ZNF385D: variants seen among roughly 807,000 people sequenced by gnomAD.
ZNF385D encodes zinc finger protein 659.
A neutral mutation model predicts 35.8 loss-of-function variants in ZNF385D; 15 were observed. The observed-to-expected ratio is 0.42, with a 90% CI of 0.28 to 0.64. ZNF385D has a LOEUF of 0.64. Among genes scored for constraint, ZNF385D ranks in the 30% least tolerant of loss-of-function variants. The pLI, the probability that ZNF385D is intolerant of heterozygous loss-of-function variation, is 0.23. For synonymous variants in ZNF385D, 212 were observed against 186.8 expected, an observed-to-expected ratio of 1.13 and a Z score of -1.10; for missense variants, 474 against 494.6, an observed-to-expected ratio of 0.96 and a Z score of 0.39.
intron 2 of ZNF385D, among the ~76,000 whole-genome samples, chr3:22,248,479 C>T (rs960464755): frequency 3.3e-5 from 5 of 152,134 alleles, no homozygotes; most frequent in African/African-American, 1.2e-4. Flanking sequence ...TAAAGGAAAT[C>T]ATACAACTCA....
At chr3:22,212,994 G>A (rs1275510575) in intron 2 of ZNF385D, among the ~76,000 whole-genome samples, 2 of 151,978 alleles carry the variant, frequency 1.3e-5, no homozygotes, top group Non-Finnish European at 2.9e-5. Flanking sequence ...TTATTTAGAG[G>A]TGGTGAATAA....
chr3:22,038,191 T>G (rs1466843035), intron 3 of ZNF385D, among the ~76,000 whole-genome samples: 2 of 152,106 alleles, frequency 1.3e-5, no homozygotes, highest in Admixed American at 1.3e-4. Flanking sequence ...GATAACAAGA[T>G]GAATAATGAC....
chr3:22,097,001 C>A (rs1701668766), intron 3 of ZNF385D, among the ~76,000 whole-genome samples: 2 of 152,050 alleles, frequency 1.3e-5, no homozygotes, highest in Admixed American at 1.3e-4. Flanking sequence ...AACTCAGTTA[C>A]CATGCTGTAA....
At chr3:21,942,052 T>C (rs1346990875) in intron 3 of ZNF385D, among the ~76,000 whole-genome samples, 2 of 152,136 alleles carry the variant, frequency 1.3e-5, no homozygotes, top group African/African-American at 4.8e-5. Flanking sequence ...CATACACATG[T>C]GTATTGTCAA....
intron 2 of ZNF385D, among the ~76,000 whole-genome samples, chr3:21,635,028 A>G (rs1419462625): frequency 1.3e-5 from 2 of 152,120 alleles, no homozygotes; most frequent in African/African-American, 4.8e-5. Context: ...CACTTCCCTA[A>G]AAATCAAAGT....
chr3:22,071,880 C>T (rs533981384), intron 3 of ZNF385D, among the ~76,000 whole-genome samples: 1 of 152,144 alleles, frequency 6.6e-6, no homozygotes, highest in Non-Finnish European at 1.5e-5. Flanking sequence ...ATGATGGCCC[C>T]ATCATAAACT....
chr3:21,663,915 A>ATATATATATATATTTATTTATT (rs1159950305), intron 2 of ZNF385D, among the ~76,000 whole-genome samples: 10 of 105,888 alleles, frequency 9.4e-5, no homozygotes, highest in Admixed American at 8.0e-4. Flanking sequence ...ATATATATAT[A>ATATATATATATATTTATTTATT]TATTTATTTA....
Position 21,415,717 on chromosome 3 carries a change from G to T in ZNF385D, c.*5497C>A, listed in dbSNP as rs1700554040. ...ATCTTTAAAAATTGCCTTTAGAGAT[G>T]ACCTGCCAGTCTGAAAATAACATGA... On this transcript the variant is annotated 3_prime_UTR_variant, in exon 8 of 8. Transcript: ENST00000281523. The T allele has an allele frequency of 1.3e-5, 2 of 152,126 alleles. No homozygotes were observed. Among genetic ancestry groups the T allele is most frequent in the East Asian group, 1.9e-4 (1 of 5,172 alleles). The allele number at this position is 152,126 out of a possible 1,614,324, so 9.4% of individuals were successfully genotyped here. A position where few individuals can be genotyped will look rare whatever the true frequency, so the allele number is the denominator to read the frequency against.
chr3:21,917,054 G>C (rs1238738615), intron 3 of ZNF385D, among the ~76,000 whole-genome samples: 1 of 152,144 alleles, frequency 6.6e-6, no homozygotes, highest in Non-Finnish European at 1.5e-5. Flanking sequence ...TTGAAGGGAA[G>C]AAAGAGAATC....
At chr3:22,351,312 TCTAC>T (rs1286627332) in intron 2 of ZNF385D, among the ~76,000 whole-genome samples, 3 of 152,074 alleles carry the variant, frequency 2.0e-5, no homozygotes, top group Non-Finnish European at 4.4e-5. Context: ...GCAATATATA[TCTAC>T]CTGTTTTTTC....
At position 21,548,289 on chromosome 3, in the gene ZNF385D, C is replaced by T. The variant is rs545300390; in HGVS notation, c.276+16285G>A. On this transcript the variant is annotated intron_variant, in intron 3 of 7. Transcript: ENST00000281523. ...ACTGTTTCTACCTTCATTTCCTTGT[C>T]ACAGCAATGAGGAAAAATGTTTCTG... Among the ~76,000 whole-genome samples, 5 of 152,286 alleles carry T rather than the reference C, an allele frequency of 3.3e-5. No individual in the cohort carries two copies. The South Asian group carries it at 1.0e-3, about 32-fold the overall frequency.
intron 3 of ZNF385D, among the ~76,000 whole-genome samples, chr3:22,059,180 C>A (rs1699566292): frequency 6.6e-6 from 1 of 152,122 alleles, no homozygotes; most frequent in Non-Finnish European, 1.5e-5. Flanking sequence ...TTGGAGGTGA[C>A]TGCCCTCTGG....
chr3:21,632,601 T>A lies in ZNF385D; in HGVS notation c.165+32285A>T, dbSNP rs186816946. ...CATAATAGTGTTTTGCTCTGGGAGA[T>A]TGAACAATAATGCACCATACAAATT... On this transcript the variant is annotated intron_variant, in intron 2 of 7. Coordinates refer to ENST00000281523, the MANE Select transcript of ZNF385D (RefSeq NM_024697.3). 4.6e-5 allele frequency among the ~76,000 whole-genome samples: 7 copies of A among 152,102 alleles called. 1 individual carries two copies. In the East Asian group the frequency reaches 7.7e-4, roughly 17 times the overall value.
chr3:21,682,209 T>A (rs939381248), intron 1 of ZNF385D, among the ~76,000 whole-genome samples: 2 of 151,122 alleles, frequency 1.3e-5, no homozygotes, highest in Non-Finnish European at 3.0e-5. Flanking sequence ...TGGTTTGTTT[T>A]TAGTTTAGCT....
At chr3:21,826,435 T>G (rs2670257) in intron 3 of ZNF385D, among the ~76,000 whole-genome samples, 118 of 152,184 alleles carry the variant, frequency 7.8e-4, no homozygotes, top group Non-Finnish European at 1.4e-3. Flanking sequence ...TGACACTAGT[T>G]GGAAGAAATA....
chr3:21,955,340 A>C (rs933111229), intron 3 of ZNF385D, among the ~76,000 whole-genome samples: 2 of 152,062 alleles, frequency 1.3e-5, no homozygotes, highest in African/African-American at 4.8e-5. Context: ...GAAAGAAAAA[A>C]CAAAGCTACA....
At chr3:21,564,770 T>C (rs532481025) in intron 2 of ZNF385D, 86 bp from the exon 3 acceptor site, 1 of 684,630 alleles carries the variant, frequency 1.5e-6, no homozygotes, top group Non-Finnish European at 2.4e-6. Context: ...AAAGAACCAA[T>C]CTGTACAGCT....
intron 3 of ZNF385D, among the ~76,000 whole-genome samples, chr3:21,769,492 T>A (rs2070983004): frequency 7.9e-6 from 1 of 126,732 alleles, no homozygotes; most frequent in African/African-American, 3.2e-5. Context: ...CACAATTGCT[T>A]CAAAGAGAAT....
chr3:22,012,406 C>T (rs1038251153), intron 3 of ZNF385D, among the ~76,000 whole-genome samples: 3 of 152,084 alleles, frequency 2.0e-5, no homozygotes, highest in Non-Finnish European at 2.9e-5. Flanking sequence ...AAATAAATTA[C>T]ATTATTTACA....
Sources: allele counts gnomAD v4.1 joint callset (sites outside exome capture counted in the v4.1 genomes callset), GRCh38; gene constraint gnomAD v4.1.1; transcripts MANE v1.5; gene names NCBI Gene and HGNC (gene_info 2026-07-23, HGNC 2026-07-21).